The following TMEM132C variants were observed in gnomAD, a reference collection of about 807,000 sequenced individuals.
The protein encoded by TMEM132C is protein phosphatase 1, regulatory subunit 152.
TMEM132C carries 29 observed loss-of-function variants against 61.4 expected under a neutral mutation model. The ratio of observed to expected loss-of-function variants is 0.47; its 90% confidence interval spans 0.35 to 0.64. TMEM132C has a LOEUF of 0.64. Ranked by LOEUF, TMEM132C falls within the 30% of genes least tolerant of loss-of-function variation. TMEM132C has a pLI of 0.00. For synonymous variants in TMEM132C, 656 were observed against 633.1 expected (o/e 1.04, Z -0.54); for missense variants, 1,408 against 1,476.9 (o/e 0.95, Z 0.76).
chr12:128,657,137 G>A (rs1464562571), intron 4 of TMEM132C, among the ~76,000 whole-genome samples: 3 of 152,044 alleles, frequency 2.0e-5, no homozygotes, highest in Non-Finnish European at 4.4e-5. Context: ...TGAAGGGAGC[G>A]CCCCCCTCCT....
intron 1 of TMEM132C, among the ~76,000 whole-genome samples, chr12:128,297,337 T>C (rs1024103268): frequency 1.3e-5 from 2 of 152,182 alleles, no homozygotes; most frequent in African/African-American, 4.8e-5. Context: ...GCTGTGAATA[T>C]TGTACGTTTG....
intron 2 of TMEM132C, among the ~76,000 whole-genome samples, chr12:128,541,947 C>T (rs1007265568): frequency 6.6e-6 from 1 of 152,156 alleles, no homozygotes; most frequent in African/African-American, 2.4e-5. Flanking sequence ...GTGGCACCCC[C>T]AGGCACCCCC....
At chr12:128,522,161 T>TG (rs1378191000) in intron 2 of TMEM132C, among the ~76,000 whole-genome samples, 1 of 152,204 alleles carries the variant, frequency 6.6e-6, no homozygotes, top group African/African-American at 2.4e-5. Flanking sequence ...CTGGGGTGTA[T>TG]GTTCCCTGTA....
intron 2 of TMEM132C, among the ~76,000 whole-genome samples, chr12:128,494,394 A>G (rs1012743430): frequency 7.9e-5 from 12 of 152,096 alleles, no homozygotes; most frequent in African/African-American, 1.9e-4. Flanking sequence ...CTCTTTTTCT[A>G]TTGATTAGAA....
At chr12:128,450,591 T>C (rs1392717700) in intron 2 of TMEM132C, among the ~76,000 whole-genome samples, 1 of 152,246 alleles carries the variant, frequency 6.6e-6, no homozygotes, top group Non-Finnish European at 1.5e-5. Flanking sequence ...TTACTAATTA[T>C]GATTTGTATT....
rs190894098 is a variant in TMEM132C, at chr12:128,436,847, G to A, written c.974+21227G>A. Among the ~76,000 whole-genome samples, 3 of 152,222 alleles carry A rather than the reference G, an allele frequency of 2.0e-5. 1 individual carries two copies. Among genetic ancestry groups the A allele is most frequent in the Admixed American group, 2.0e-4 (3 of 15,298 alleles). On this transcript the variant is annotated intron_variant, in intron 2 of 8. Transcript: ENST00000435159. The stretch of plus-strand genomic sequence containing the variant: ...TACTACTATAAAGACACATGCACAC[G>A]TATGTTTATTGCGGCACTATTCACA...
chr12:128,404,029 C>T lies in TMEM132C; in HGVS notation c.86-10703C>T, dbSNP rs115830423. Among the ~76,000 whole-genome samples, 1,314 of 152,198 alleles carry T rather than the reference C, an allele frequency of 8.6e-3. 23 individuals are homozygous for T. The highest frequency in any genetic ancestry group is 0.03 in the African/African-American group (1,261 of 41,494). ...GTTTAGAACCATCCCTGGCTCCTAC[C>T]GACTAGATGTCAATAACAGCCCCCT... On this transcript the variant is annotated intron_variant, in intron 1 of 8. Transcript: ENST00000435159.
At chr12:128,474,698 C>T (rs781782013) in intron 2 of TMEM132C, among the ~76,000 whole-genome samples, 8 of 152,106 alleles carry the variant, frequency 5.3e-5, no homozygotes, top group East Asian at 1.9e-4. Context: ...CAATATAGCC[C>T]GTTTGTGCCA....
At chr12:128,427,384 A>AGG (rs1412750450) in intron 2 of TMEM132C, among the ~76,000 whole-genome samples, 86 of 107,588 alleles carry the variant, frequency 8.0e-4, no homozygotes, top group Admixed American at 2.4e-3. Flanking sequence ...CTACTTCCAA[A>AGG]GGGGTGTGTG....
At chr12:128,668,981 G>C (rs1217500324) in intron 4 of TMEM132C, among the ~76,000 whole-genome samples, 2 of 152,128 alleles carry the variant, frequency 1.3e-5, no homozygotes, top group Non-Finnish European at 2.9e-5. Flanking sequence ...TACCATGTAA[G>C]GTAACATTCA....
chr12:128,399,566 C>T (rs1875079487), intron 1 of TMEM132C, among the ~76,000 whole-genome samples: 1 of 152,050 alleles, frequency 6.6e-6, no homozygotes, highest in Non-Finnish European at 1.5e-5. Context: ...TTTGGAGGCA[C>T]AGTAAAAACC....
At chr12:128,563,411 C>T (rs1045144733) in intron 3 of TMEM132C, among the ~76,000 whole-genome samples, 3 of 152,132 alleles carry the variant, frequency 2.0e-5, no homozygotes, top group African/African-American at 7.2e-5. Flanking sequence ...TAAAAGTTTT[C>T]AATCACATGA....
intron 1 of TMEM132C, among the ~76,000 whole-genome samples, chr12:128,325,968 T>C (rs1170757432): frequency 6.6e-6 from 1 of 152,048 alleles, no homozygotes. Flanking sequence ...ACATATGTGG[T>C]CCCTCGTTGC....
At chr12:128,602,705 G>C (rs566941126) in intron 3 of TMEM132C, among the ~76,000 whole-genome samples, 311 of 152,306 alleles carry the variant, frequency 2.0e-3, no homozygotes, top group Non-Finnish European at 3.8e-3. Context: ...TCTCACCTCA[G>C]CTAACTTCAG....
chr12:128,621,371 G>T (rs1953961003), intron 4 of TMEM132C, among the ~76,000 whole-genome samples: 1 of 152,188 alleles, frequency 6.6e-6, no homozygotes, highest in South Asian at 2.1e-4. Flanking sequence ...GCAATGACTG[G>T]TGTACACAAG....
At chr12:128,577,448 G>A (rs188415428) in intron 3 of TMEM132C, among the ~76,000 whole-genome samples, 11 of 152,310 alleles carry the variant, frequency 7.2e-5, no homozygotes, top group African/African-American at 2.2e-4. Context: ...GAGAACCTGG[G>A]AGACAAACCT....
chr12:128,450,983 A>G (rs1870158804), intron 2 of TMEM132C, among the ~76,000 whole-genome samples: 1 of 152,146 alleles, frequency 6.6e-6, no homozygotes, highest in South Asian at 2.1e-4. Flanking sequence ...TTTATTTGGA[A>G]GTAAGCCGAA....
At chr12:128,409,672 G>A (rs953603620) in intron 1 of TMEM132C, among the ~76,000 whole-genome samples, 1 of 152,162 alleles carries the variant, frequency 6.6e-6, no homozygotes, top group African/African-American at 2.4e-5. Context: ...AGCAGTCTGC[G>A]ATGTCGGGTC....
chr12:128,487,168 T>G (rs946804410), intron 2 of TMEM132C, among the ~76,000 whole-genome samples: 1 of 152,214 alleles, frequency 6.6e-6, no homozygotes, highest in Admixed American at 6.5e-5. Flanking sequence ...AATAGCTCCC[T>G]GCTATGCTAT....
Sources: gnomAD v4.1 joint callset for allele counts (sites outside exome capture counted in the v4.1 genomes callset) on GRCh38, gnomAD v4.1.1 for gene constraint, MANE v1.5 for transcripts, NCBI Gene and HGNC (gene_info 2026-07-23, HGNC 2026-07-21) for gene names.